The following GRAMD2B variants were observed in gnomAD, a reference collection of about 807,000 sequenced individuals.
GRAMD2B encodes the protein GRAM domain-containing protein 2B.
Under a neutral mutation model 59.2 loss-of-function variants are expected in GRAMD2B, and 41 were observed. The ratio of observed to expected loss-of-function variants is 0.69; its 90% CI spans 0.54 to 0.90. The LOEUF is 0.90. Ranked by LOEUF, GRAMD2B falls within the 40% of genes least tolerant of loss-of-function variation. GRAMD2B has a pLI of 0.00. For synonymous variants in GRAMD2B, 161 were observed against 182.7 expected, an observed-to-expected ratio of 0.88 and a Z score of 0.96; for missense variants, 424 against 500.5, an observed-to-expected ratio of 0.85 and a Z score of 1.46.
chr5:126,387,794 T>C (rs895694454), intron 1 of GRAMD2B, among the ~76,000 whole-genome samples: 4 of 152,120 alleles, frequency 2.6e-5, no homozygotes, highest in East Asian at 1.9e-4. Flanking sequence ...CATAAATTTA[T>C]AAGCTCCTTC....
intron 1 of GRAMD2B, among the ~76,000 whole-genome samples, chr5:126,406,498 T>C (rs1758277700): frequency 6.6e-6 from 1 of 151,896 alleles, no homozygotes; most frequent in Admixed American, 6.6e-5. Context: ...ATATTTCCAA[T>C]GCCCCTAAAA....
Position 126,473,363 on chromosome 5 carries a change from A to T in GRAMD2B, c.481A>T (p.Thr161Ser). Reference protein sequence around the residue: ...CFHSKVFGKDTKISIPAFSVT... With the variant: ...CFHSKVFGKDSKISIPAFSVT... ...TCATTCCAAAGTCTTTGGAAAAGAC[A>T]CAAAGGTTGGTATAATTAAAAAAAA... The change falls in exon 5 of 14, where the codon ACA (threonine) becomes TCA (serine). Residue 161 changes from threonine to serine, a missense_variant. Coordinates refer to ENST00000285689, the MANE Select transcript of GRAMD2B (RefSeq NM_023927.4). The T allele has an allele frequency of 7.3e-7, 1 of 1,377,194 alleles. No individual in the cohort carries two copies. The highest frequency in any genetic ancestry group is 9.9e-7 in the Non-Finnish European group (1 of 1,005,954). The allele number at this position is 1,377,194 out of a possible 1,614,324, so 85.3% of individuals were successfully genotyped here.
chr5:126,369,887 C>G (rs1353266445), upstream of GRAMD2B, among the ~76,000 whole-genome samples: 1 of 152,222 alleles, frequency 6.6e-6, no homozygotes, highest in Admixed American at 6.5e-5. Context: ...AACTCCCATG[C>G]AGGTTGTTGC....
At chr5:126,491,114 G>A (rs1430651276) in intron 13 of GRAMD2B, among the ~76,000 whole-genome samples, 2 of 151,956 alleles carry the variant, frequency 1.3e-5, no homozygotes, top group Non-Finnish European at 2.9e-5. Flanking sequence ...TGGCCATTTG[G>A]GTTTTCCTCT....
chr5:126,476,234 T>G (rs922788239), intron 5 of GRAMD2B, among the ~76,000 whole-genome samples: 1 of 152,118 alleles, frequency 6.6e-6, no homozygotes, highest in African/African-American at 2.4e-5. Context: ...GATTGCACCA[T>G]TGCACTCCAG....
At chr5:126,415,373 A>G (rs772730465) in intron 1 of GRAMD2B, among the ~76,000 whole-genome samples, 1 of 152,114 alleles carries the variant, frequency 6.6e-6, no homozygotes, top group Non-Finnish European at 1.5e-5. Context: ...CTGTTTATTG[A>G]TATGTTTCTT....
intron 8 of GRAMD2B, 163 bp downstream of exon 8, chr5:126,480,870 A>G (rs939841510): frequency 9.7e-6 from 6 of 620,582 alleles, no homozygotes; most frequent in African/African-American, 9.2e-5. Context: ...AGAGGAAACC[A>G]TAGTAGCCAT....
At position 126,492,507 on chromosome 5, in the gene GRAMD2B, GC is replaced by G. The variant is rs1400329239; in HGVS notation, c.1258-405del. ...AGGCTGAGACAGGAGGATCACTTGA[GC>G]CCAGGAGTTCTAGATCAGCCTGAGA... is the stretch of plus-strand genomic sequence containing the variant. On this transcript the variant is annotated intron_variant, in intron 13 of 13. Coordinates refer to ENST00000285689, the MANE Select transcript of GRAMD2B (RefSeq NM_023927.4). Among the ~76,000 whole-genome samples the G allele has an allele frequency of 2.0e-5, 3 of 151,910 alleles. No homozygotes were observed. In the East Asian group the frequency reaches 5.8e-4, roughly 29 times the overall value.
At chr5:126,456,378 A>T (rs1037017727) in intron 1 of GRAMD2B, among the ~76,000 whole-genome samples, 1 of 129,172 alleles carries the variant, frequency 7.7e-6, no homozygotes, top group African/African-American at 2.6e-5. Flanking sequence ...ACCCGGCTAA[A>T]TTTTTTGTTT....
At chr5:126,435,039 C>T (rs910394229) in intron 1 of GRAMD2B, among the ~76,000 whole-genome samples, 1 of 152,130 alleles carries the variant, frequency 6.6e-6, no homozygotes, top group African/African-American at 2.4e-5. Context: ...TGTTCAGTAA[C>T]TTTTATGTGC....
At chr5:126,386,704 GCCA>G (rs1191512094) in intron 1 of GRAMD2B, among the ~76,000 whole-genome samples, 1 of 152,128 alleles carries the variant, frequency 6.6e-6, no homozygotes, top group Non-Finnish European at 1.5e-5. Flanking sequence ...CACTTACTGC[GCCA>G]CCTTAGCCCC....
chr5:126,409,756 C>T (rs1371992670), intron 1 of GRAMD2B, among the ~76,000 whole-genome samples: 1 of 152,082 alleles, frequency 6.6e-6, no homozygotes, highest in Non-Finnish European at 1.5e-5. Context: ...GACATGAAGT[C>T]CTTGCCCATG....
intron 10 of GRAMD2B, among the ~76,000 whole-genome samples, 193 bp from the exon 11 acceptor site, chr5:126,485,493 G>T (rs1772726270): frequency 1.3e-5 from 2 of 152,256 alleles, no homozygotes; most frequent in Middle Eastern, 3.4e-3. Context: ...GCTGTGGATA[G>T]GTATGTAATC....
intron 3 of GRAMD2B, among the ~76,000 whole-genome samples, chr5:126,471,533 A>T (rs1769587876): frequency 6.6e-6 from 1 of 152,216 alleles, no homozygotes; most frequent in African/African-American, 2.4e-5. Flanking sequence ...GCTGCCCTGG[A>T]GAGTGAAGTC....
intron 1 of GRAMD2B, among the ~76,000 whole-genome samples, chr5:126,372,644 C>A (rs1045571304): frequency 3.3e-5 from 5 of 152,162 alleles, no homozygotes; most frequent in Admixed American, 1.3e-4. Context: ...CTTAATTTTT[C>A]TATCCATTAT....
chr5:126,426,158 A>T (rs113835065), intron 1 of GRAMD2B, among the ~76,000 whole-genome samples: 3 of 152,012 alleles, frequency 2.0e-5, no homozygotes, highest in Non-Finnish European at 4.4e-5. Flanking sequence ...TATTAATTTT[A>T]AAATAATTTA....
chr5:126,468,862 T>G (rs1265305278), intron 2 of GRAMD2B, among the ~76,000 whole-genome samples: 1 of 152,324 alleles, frequency 6.6e-6, no homozygotes. Flanking sequence ...ATATGTATTT[T>G]TTTTGGTGCT....
intron 1 of GRAMD2B, among the ~76,000 whole-genome samples, chr5:126,435,557 C>T (rs1026675730): frequency 6.6e-6 from 1 of 152,126 alleles, no homozygotes; most frequent in African/African-American, 2.4e-5. Context: ...CGGCTTTGGG[C>T]TCTACTACCG....
At chr5:126,360,164 G>A in exon 1 of GRAMD2B, 2 of 675,110 alleles carry the variant, frequency 3.0e-6, no homozygotes, top group Non-Finnish European at 5.0e-6. Context: ...TGCGGCTGGT[G>A]CCATCCCTCT....
Sources: allele counts gnomAD v4.1 joint callset (sites outside exome capture counted in the v4.1 genomes callset), GRCh38; gene constraint gnomAD v4.1.1; transcripts MANE v1.5; gene names NCBI Gene and HGNC (gene_info 2026-07-23, HGNC 2026-07-21).